Variants in MCTP2 observed in about 807,000 individuals in gnomAD.
MCTP2 encodes the protein multiple C2 and transmembrane domain-containing protein 2.
MCTP2 carries 132 observed loss-of-function variants against 111.6 expected under a neutral mutation model. That is an observed-to-expected ratio of 1.18 (90% CI 1.03 to 1.37). The LOEUF is 1.37. Among genes scored for constraint, MCTP2 ranks in the 40% most tolerant of loss-of-function variants. MCTP2 has a pLI of 0.00. For missense variants in MCTP2, 1,183 were observed against 1,067.9 expected, an observed-to-expected ratio of 1.11 and a Z score of -1.50; for synonymous variants, 395 against 387.7, an observed-to-expected ratio of 1.02 and a Z score of -0.22.
At chr15:94,252,985 T>A (rs1224178195) in intron 1 of MCTP2, among the ~76,000 whole-genome samples, 1 of 152,182 alleles carries the variant, frequency 6.6e-6, no homozygotes, top group Non-Finnish European at 1.5e-5. Flanking sequence ...CTGGCTTCTG[T>A]GTCCCCGAGG....
At chr15:94,474,441 T>C (rs1223629566) in intron 21 of MCTP2, among the ~76,000 whole-genome samples, 2 of 152,190 alleles carry the variant, frequency 1.3e-5, no homozygotes, top group African/African-American at 4.8e-5. Context: ...CAAATATTAA[T>C]GTAAGAAATG....
chr15:94,403,988 G>T (rs895496395), intron 17 of MCTP2, among the ~76,000 whole-genome samples: 1 of 152,084 alleles, frequency 6.6e-6, no homozygotes, highest in African/African-American at 2.4e-5. Context: ...CCTATCATTT[G>T]GTTGTCCTGA....
intron 10 of MCTP2, 92 bp from the exon 11 acceptor site, chr15:94,367,513 G>A (rs985577010): frequency 3.0e-6 from 3 of 993,824 alleles, no homozygotes; most frequent in East Asian, 2.6e-5. Context: ...GAGTTTTGGG[G>A]GATGATGAAA....
At chr15:94,256,176 C>G (rs761533580) in intron 1 of MCTP2, among the ~76,000 whole-genome samples, 4 of 152,008 alleles carry the variant, frequency 2.6e-5, no homozygotes, top group Non-Finnish European at 4.4e-5. Context: ...CAAAATGCAG[C>G]CGAAACTTTG....
At chr15:94,445,682 A>C (rs2084075561) in intron 19 of MCTP2, among the ~76,000 whole-genome samples, 1 of 152,166 alleles carries the variant, frequency 6.6e-6, no homozygotes, top group Non-Finnish European at 1.5e-5. Context: ...GTGAGCTGGA[A>C]GAAAGGTCTA....
intron 1 of MCTP2, among the ~76,000 whole-genome samples, chr15:94,272,730 A>AT (rs34173287): frequency 0.73 from 110,639 of 150,952 alleles, 40,641 homozygotes; most frequent in Admixed American, 0.77. Flanking sequence ...ATAACACCAT[A>AT]TTTTTTTTTC....
chr15:94,251,341 C>T (rs916151791), intron 1 of MCTP2, among the ~76,000 whole-genome samples: 11 of 151,160 alleles, frequency 7.3e-5, no homozygotes, highest in Non-Finnish European at 1.3e-4. Context: ...TCCTAAAATA[C>T]ACATAACCTA....
At chr15:94,365,031 G>A (rs2079114988) in intron 10 of MCTP2, among the ~76,000 whole-genome samples, 1 of 152,172 alleles carries the variant, frequency 6.6e-6, no homozygotes, top group African/African-American at 2.4e-5. Context: ...TCATTAAAGG[G>A]GGCCTACTAT....
chr15:94,287,385 T>C (rs1203556094), intron 1 of MCTP2, among the ~76,000 whole-genome samples: 1 of 152,232 alleles, frequency 6.6e-6, no homozygotes, highest in Non-Finnish European at 1.5e-5. Flanking sequence ...ACGCTGTTTA[T>C]TGGAGAAGTG....
chr15:94,402,481 T>C, intron 17 of MCTP2: 1 of 1,551,742 alleles, frequency 6.4e-7, no homozygotes, highest in East Asian at 2.4e-5. Flanking sequence ...TGCAATTTCA[T>C]TCAGCACCGC....
intron 2 of MCTP2, among the ~76,000 whole-genome samples, chr15:94,304,437 A>G (rs557205370): frequency 1.3e-5 from 2 of 152,354 alleles, no homozygotes; most frequent in African/African-American, 2.4e-5. Context: ...GCAAGATTCC[A>G]TCTCAAAAAA....
intron 4 of MCTP2, among the ~76,000 whole-genome samples, chr15:94,315,938 C>T (rs146697301): frequency 2.2e-4 from 33 of 152,280 alleles, no homozygotes; most frequent in African/African-American, 7.7e-4. Flanking sequence ...GAAAATGTTT[C>T]CTCAATCCTA....
chr15:94,458,106 C>CT (rs765332132), intron 19 of MCTP2, 31 bp from the exon 20 acceptor site: 25 of 1,224,156 alleles, frequency 2.0e-5, no homozygotes, highest in Non-Finnish European at 2.9e-5. Flanking sequence ...AATGAAGTAA[C>CT]TGAGTTAAAT....
rs1341247573 is a variant in MCTP2, at chr15:94,479,125, C to T, written c.*91C>T. The stretch of plus-strand genomic sequence containing the variant: ...CTGTTTCAGTGGTACCCAAGGTGTC[C>T]TTCTGAAATGCATGCCCTGTGGCAC... On this transcript the variant is annotated 3_prime_UTR_variant, in exon 23 of 23. Coordinates refer to ENST00000357742, the MANE Select transcript of MCTP2 (RefSeq NM_001385001.1). 7.8e-7 allele frequency: 1 copy of T among 1,274,300 alleles called. No individual in the cohort carries two copies. The highest frequency in any genetic ancestry group is 1.1e-6 in the Non-Finnish European group (1 of 873,306). 78.9% of individuals were successfully genotyped at this position (1,274,300 alleles called of 1,614,324 possible).
At chr15:94,235,595 T>A (rs1201313703) in intron 1 of MCTP2, among the ~76,000 whole-genome samples, 2 of 152,236 alleles carry the variant, frequency 1.3e-5, no homozygotes, top group Non-Finnish European at 2.9e-5. Flanking sequence ...TTACTATCAC[T>A]AACATTTATT....
intron 7 of MCTP2, chr15:94,342,751 C>T (rs1233477588): frequency 6.6e-6 from 1 of 150,734 alleles, no homozygotes; most frequent in Non-Finnish European, 1.5e-5. Flanking sequence ...TATATACACA[C>T]ACATATATAT....
At chr15:94,342,184 A>G (rs2077680062) in intron 7 of MCTP2, 1 of 152,194 alleles carries the variant, frequency 6.6e-6, no homozygotes, top group African/African-American at 2.4e-5. Flanking sequence ...GCATATTCAA[A>G]TGACTGCCTT....
chr15:94,470,370 G>A lies in MCTP2; in HGVS notation c.2398G>A (p.Ala800Thr), dbSNP rs754803395. The A allele has an allele frequency of 1.2e-6, 2 of 1,613,764 alleles. No individual in the cohort carries two copies. The highest frequency in any genetic ancestry group is 1.7e-6 in the Non-Finnish European group (2 of 1,179,770). ...NWTVPFLSSL[A>T]CLILAAATII... is the part of the protein sequence containing the mutation. ...GACGGTCCCCTTCCTTTCATCTCTG[G>A]CCTGTTTGATTCTGGCAGCAGCCAC... Residue 800 changes from alanine (A) to threonine (T), a missense_variant, in exon 21 of 23, where the codon GCC (alanine) becomes ACC (threonine). Physicochemically the swap from Ala to Thr is moderately conservative, Grantham distance 58 (BLOSUM62 0). Transcript: ENST00000357742.
chr15:94,275,777 G>GA (rs2074157060), intron 1 of MCTP2, among the ~76,000 whole-genome samples: 1 of 146,312 alleles, frequency 6.8e-6, no homozygotes, highest in Non-Finnish European at 1.5e-5. Flanking sequence ...TAATAAAATA[G>GA]AAAAAACATA....
Sources: gnomAD v4.1 joint callset for allele counts (sites outside exome capture counted in the v4.1 genomes callset) on GRCh38, gnomAD v4.1.1 for gene constraint, MANE v1.5 for transcripts, NCBI Gene and HGNC (gene_info 2026-07-23, HGNC 2026-07-21) for gene names.